The following STEAP1B variants were observed in gnomAD, a reference collection of about 807,000 sequenced individuals.
The protein encoded by STEAP1B is STEAP family protein MGC87042.
STEAP1B carries 13 observed loss-of-function variants against 27.9 expected under a neutral mutation model. That is an observed-to-expected ratio of 0.47 (90% confidence interval 0.30 to 0.74). STEAP1B has a LOEUF of 0.74. Among genes scored for constraint, STEAP1B ranks in the 30% least tolerant of loss-of-function variants. The pLI is 0.06. For synonymous variants in STEAP1B, 86 were observed against 107.1 expected (o/e 0.80, Z 1.22); for missense variants, 250 against 298.7 (o/e 0.84, Z 1.20).
intron 2 of STEAP1B, among the ~76,000 whole-genome samples, chr7:22,494,381 T>C (rs1786400514): frequency 6.6e-6 from 1 of 152,062 alleles, no homozygotes; most frequent in Non-Finnish European, 1.5e-5. Context: ...ACTGTGTCTA[T>C]GACAAAAATG....
At chr7:22,456,972 ATTTTT>A (rs3064738) in intron 4 of STEAP1B, among the ~76,000 whole-genome samples, 1 of 57,082 alleles carries the variant, frequency 1.8e-5, no homozygotes, top group African/African-American at 7.0e-5. Flanking sequence ...ATATATATAT[ATTTTT>A]TTTTTTTTTA....
rs1284738008 is a variant in STEAP1B, at chr7:22,492,592, CAAAG to C, written c.731_734del (p.Ser244Ter). ...GAATATAGTGAAATTCTCTCCATGT[CAAAG>C]AGTCACTCACAGATGGAATAGATGT... On this transcript the variant is annotated frameshift_variant, in exon 4 of 5. Coordinates refer to ENST00000678116, the MANE Select transcript of STEAP1B (RefSeq NM_001382447.1). LOFTEE classifies it high-confidence loss of function. The C allele has an allele frequency of 6.2e-7, 1 of 1,607,820 alleles. No individual in the cohort carries two copies. The highest frequency in any genetic ancestry group is 8.5e-7 in the Non-Finnish European group (1 of 1,178,352).
intron 4 of STEAP1B, among the ~76,000 whole-genome samples, chr7:22,475,650 G>A (rs989072422): frequency 1.3e-5 from 2 of 152,152 alleles, no homozygotes; most frequent in Admixed American, 6.5e-5. Flanking sequence ...GAGCAATAAC[G>A]AGCTTTCCCT....
At chr7:22,463,823 T>G (rs112783250) in intron 4 of STEAP1B, among the ~76,000 whole-genome samples, 1 of 151,476 alleles carries the variant, frequency 6.6e-6, no homozygotes, top group African/African-American at 2.4e-5. Context: ...GATTAAAGAC[T>G]TAAACGTTAG....
At chr7:22,480,851 C>T (rs773779275) in intron 4 of STEAP1B, among the ~76,000 whole-genome samples, 8 of 152,208 alleles carry the variant, frequency 5.3e-5, no homozygotes, top group Non-Finnish European at 5.9e-5. Context: ...AACAGAAGCA[C>T]TTAAGCCCCA....
chr7:22,444,394 C>T (rs573349219), intron 4 of STEAP1B, among the ~76,000 whole-genome samples: 30 of 151,876 alleles, frequency 2.0e-4, no homozygotes, highest in Middle Eastern at 3.4e-3. Context: ...TCTAACTATG[C>T]GTCCTTCTAT....
chr7:22,468,799 G>A, intron 4 of STEAP1B, among the ~76,000 whole-genome samples: 1 of 152,132 alleles, frequency 6.6e-6, no homozygotes, highest in Admixed American at 6.5e-5. Flanking sequence ...TCATCATCTT[G>A]TGACGTCATA....
At chr7:22,456,527 G>C (rs978035409) in intron 4 of STEAP1B, among the ~76,000 whole-genome samples, 1 of 152,164 alleles carries the variant, frequency 6.6e-6, no homozygotes, top group Admixed American at 6.5e-5. Context: ...AATGTTCCTT[G>C]AATATCTCAA....
intron 4 of STEAP1B, 67 bp from the exon 5 acceptor site, chr7:22,419,903 T>C: frequency 4.7e-6 from 7 of 1,476,380 alleles, no homozygotes; most frequent in Non-Finnish European, 6.4e-6. Flanking sequence ...TTAATTTGCG[T>C]CCATTTTATT....
intron 4 of STEAP1B, among the ~76,000 whole-genome samples, chr7:22,460,168 T>G (rs1313016472): frequency 6.6e-6 from 1 of 151,690 alleles, no homozygotes; most frequent in Non-Finnish European, 1.5e-5. Flanking sequence ...TTAAAAAGAT[T>G]AGCTGGGCAT....
At chr7:22,421,491 G>C (rs1785041844) in intron 4 of STEAP1B, among the ~76,000 whole-genome samples, 2 of 152,232 alleles carry the variant, frequency 1.3e-5, no homozygotes, top group Non-Finnish European at 2.9e-5. Context: ...CACAGTGGAA[G>C]CTGCTTCATC....
chr7:22,438,949 C>CAA (rs146482130), intron 4 of STEAP1B, among the ~76,000 whole-genome samples: 4 of 151,436 alleles, frequency 2.6e-5, no homozygotes, highest in African/African-American at 9.7e-5. Context: ...CTGAATAAAA[C>CAA]AAAAAAAAGT....
intron 4 of STEAP1B, chr7:22,438,832 T>C: frequency 7.0e-7 from 1 of 1,427,730 alleles, no homozygotes. Context: ...GATAAGTGTA[T>C]AATGAGAAAA....
rs139772413 is a variant in STEAP1B at position 22,423,091 on chromosome 7, T to C, written c.763-3255A>G. ...TAGAACAAAACAAAACAGAGACAAG[T>C]GAAGGAGCTCAGTGTGAAAAATTAC... On this transcript the variant is annotated intron_variant, in intron 4 of 4. Transcript: ENST00000678116. 2.3e-3 allele frequency among the ~76,000 whole-genome samples: 356 copies of C among 152,202 alleles called. 3 individuals are homozygous for C. Among genetic ancestry groups the C allele is most frequent in the African/African-American group, 7.9e-3 (330 of 41,532 alleles).
intron 4 of STEAP1B, among the ~76,000 whole-genome samples, chr7:22,490,624 G>A (rs1481510218): frequency 6.6e-6 from 1 of 152,190 alleles, no homozygotes; most frequent in Non-Finnish European, 1.5e-5. Flanking sequence ...CAACACCTAG[G>A]AGTGTTTATC....
At chr7:22,498,087 C>T (rs1350386250) in intron 1 of STEAP1B, among the ~76,000 whole-genome samples, 1 of 152,192 alleles carries the variant, frequency 6.6e-6, no homozygotes, top group African/African-American at 2.4e-5. Flanking sequence ...CTAATGCCAC[C>T]GTTCATCTGA....
chr7:22,465,401 T>C (rs1314222803), intron 4 of STEAP1B, among the ~76,000 whole-genome samples: 6 of 152,238 alleles, frequency 3.9e-5, no homozygotes, highest in Non-Finnish European at 8.8e-5. Context: ...TGTAAATTTA[T>C]GCAGCCACTT....
rs760593921 is a variant in STEAP1B at position 22,493,783 on chromosome 7, C to T, written c.138G>A (p.Leu46=). 4.7e-5 allele frequency: 76 copies of T among 1,613,334 alleles called. No individual in the cohort carries two copies. Among genetic ancestry groups the T allele is most frequent in the Non-Finnish European group, 5.8e-5 (69 of 1,179,732 alleles). The change falls in exon 3 of 5, where the codon TTG becomes TTA. Residue 46 remains leucine (L), a synonymous_variant. Transcript: ENST00000678116. ...ATTCATCAGCATGGGCTGTTTGCTG[C>T]AAATGCAAAAGCACAGGTCTTTTTA... ...SMLKRPVLLH[L]QQTAHADEFD...
intron 4 of STEAP1B, among the ~76,000 whole-genome samples, chr7:22,425,262 T>C (rs1477217675): frequency 6.6e-6 from 1 of 152,242 alleles, no homozygotes; most frequent in Non-Finnish European, 1.5e-5. Context: ...ACTGTTCATA[T>C]ACTTTTTAAA....
Sources: gnomAD v4.1 joint callset for allele counts (sites outside exome capture counted in the v4.1 genomes callset) on GRCh38, gnomAD v4.1.1 for gene constraint, MANE v1.5 for transcripts, NCBI Gene and HGNC (gene_info 2026-07-23, HGNC 2026-07-21) for gene names.